Variants in PARD3B observed in about 807,000 individuals in gnomAD.
The protein encoded by PARD3B is par-3 family cell polarity regulator beta.
Under a neutral mutation model 130.2 loss-of-function variants are expected in PARD3B, and 103 were observed. The ratio of observed to expected loss-of-function variants is 0.79; its 90% CI spans 0.67 to 0.93. PARD3B has a LOEUF of 0.93. Ranked by LOEUF, PARD3B falls within the 40% of genes least tolerant of loss-of-function variation. PARD3B has a pLI of 0.00. For synonymous variants in PARD3B, 583 were observed against 553.2 expected (o/e 1.05, Z -0.76); for missense variants, 1,609 against 1,499.2 (o/e 1.07, Z -1.21).
At chr2:205,534,190 C>CA (rs2051734722) in intron 21 of PARD3B, among the ~76,000 whole-genome samples, 1 of 151,944 alleles carries the variant, frequency 6.6e-6, no homozygotes, top group Admixed American at 6.6e-5. Flanking sequence ...GGAAAGAAAA[C>CA]AAAGTCCCTG....
intron 2 of PARD3B, among the ~76,000 whole-genome samples, chr2:204,817,682 A>G (rs899906567): frequency 6.6e-6 from 1 of 152,084 alleles, no homozygotes; most frequent in African/African-American, 2.4e-5. Context: ...TTCCTATGAA[A>G]TGTAGCTGCT....
intron 2 of PARD3B, among the ~76,000 whole-genome samples, chr2:204,834,138 T>G (rs1045234181): frequency 1.3e-5 from 2 of 152,218 alleles, no homozygotes; most frequent in African/African-American, 4.8e-5. Context: ...ACCAGCTCTC[T>G]CTGCACTTAT....
intron 5 of PARD3B, 140 bp downstream of exon 5, chr2:205,104,654 T>A: frequency 1.7e-6 from 1 of 586,798 alleles, no homozygotes; most frequent in Non-Finnish European, 3.0e-6. Flanking sequence ...GTCTAACAGT[T>A]ACTTAATTCT....
rs368953528 is a variant in PARD3B at position 205,380,271 on chromosome 2, TTA to T, written c.2631-20737_2631-20736del. On this transcript the variant is annotated intron_variant, in intron 18 of 22. Coordinates refer to ENST00000406610, the MANE Select transcript of PARD3B (RefSeq NM_001302769.2). Reference sequence around the variant, plus strand: ...ATATATAATATATAAAGAATATATATTATATAATATATAAAGAATATATATTA... The same window carrying T: ...ATATATAATATATAAAGAATATATATTATAATATATAAAGAATATATATTA... Among the ~76,000 whole-genome samples the T allele has an allele frequency of 4.2e-3, 42 of 10,014 alleles. 1 individual carries two copies. The highest frequency in any genetic ancestry group is 0.015 in the Admixed American group (6 of 390). The allele number at this position is 10,014 out of a possible 152,430, so 6.6% of individuals were successfully genotyped here. A position where few individuals can be genotyped will look rare whatever the true frequency, so the allele number is the denominator to read the frequency against.
chr2:205,117,682 C>T (rs2029996870), intron 6 of PARD3B, among the ~76,000 whole-genome samples: 2 of 152,238 alleles, frequency 1.3e-5, no homozygotes, highest in African/African-American at 2.4e-5. Context: ...GTGACAAAGT[C>T]GAAAAGCAAG....
intron 1 of PARD3B, among the ~76,000 whole-genome samples, chr2:204,633,503 T>C (rs1358708034): frequency 6.6e-6 from 1 of 152,186 alleles, no homozygotes; most frequent in Non-Finnish European, 1.5e-5. Flanking sequence ...ATTTCACCGA[T>C]TGCCTCTTTT....
At chr2:205,567,390 C>T (rs1209025121) in intron 22 of PARD3B, among the ~76,000 whole-genome samples, 7 of 134,486 alleles carry the variant, frequency 5.2e-5, no homozygotes, top group African/African-American at 1.9e-4. Flanking sequence ...TCTCGGCTCA[C>T]TGCAAGCTCC....
intron 1 of PARD3B, among the ~76,000 whole-genome samples, chr2:204,615,018 TAA>T (rs1427813097): frequency 5.9e-5 from 9 of 152,306 alleles, no homozygotes; most frequent in African/African-American, 2.2e-4. Flanking sequence ...CAGAATTTAT[TAA>T]GAGTGGTGTT....
Position 205,039,595 on chromosome 2 carries a change from C to T in PARD3B, c.395-7986C>T, listed in dbSNP as rs370217978. On this transcript the variant is annotated intron_variant, in intron 3 of 22. Transcript: ENST00000406610. The stretch of plus-strand genomic sequence containing the variant: ...GGTAATTTTCCCTGCCTCAGCTTCT[C>T]GGGTAGCTGCAATTACAGGTGTGCA... 8.5e-5 allele frequency among the ~76,000 whole-genome samples: 13 copies of T among 152,110 alleles called. No individual in the cohort carries two copies. In the East Asian group the frequency reaches 2.1e-3, roughly 25 times the overall value.
chr2:204,976,798 C>T (rs1178725467), intron 3 of PARD3B, among the ~76,000 whole-genome samples: 2 of 151,636 alleles, frequency 1.3e-5, no homozygotes, highest in Non-Finnish European at 2.9e-5. Flanking sequence ...TTAGTAGAGA[C>T]GGGGTTTCAC....
At chr2:205,204,417 A>G (rs558811560) in intron 15 of PARD3B, among the ~76,000 whole-genome samples, 2 of 152,108 alleles carry the variant, frequency 1.3e-5, no homozygotes, top group African/African-American at 4.8e-5. Context: ...CACTCTGATG[A>G]TAGTTTCTTT....
At chr2:205,482,698 C>T (rs1183899602) in intron 20 of PARD3B, 1 of 152,128 alleles carries the variant, frequency 6.6e-6, no homozygotes, top group Non-Finnish European at 1.5e-5. Context: ...AAACCAGCCT[C>T]TGGCACCACT....
intron 2 of PARD3B, among the ~76,000 whole-genome samples, chr2:204,883,405 T>TTATA (rs1447380815): frequency 9.9e-6 from 1 of 101,310 alleles, no homozygotes; most frequent in African/African-American, 3.6e-5. Flanking sequence ...TATATATATA[T>TTATA]TATATATATA....
intron 2 of PARD3B, among the ~76,000 whole-genome samples, chr2:204,772,879 G>A (rs375515425): frequency 6.6e-6 from 1 of 151,972 alleles, no homozygotes; most frequent in Admixed American, 6.6e-5. Context: ...AGAGTGGTTA[G>A]GGCAGTTTTG....
intron 1 of PARD3B, among the ~76,000 whole-genome samples, chr2:204,593,261 A>G (rs1323799778): frequency 6.6e-6 from 1 of 152,208 alleles, no homozygotes; most frequent in African/African-American, 2.4e-5. Context: ...TCTAGGATCT[A>G]AGCATCCTCA....
At chr2:205,140,162 G>A (rs965584401) in intron 10 of PARD3B, among the ~76,000 whole-genome samples, 1 of 152,202 alleles carries the variant, frequency 6.6e-6, no homozygotes, top group African/African-American at 2.4e-5. Context: ...CGGGCAGGTA[G>A]TGAAAGGCCC....
At chr2:204,995,075 T>C (rs1238562271) in intron 3 of PARD3B, among the ~76,000 whole-genome samples, 4 of 151,850 alleles carry the variant, frequency 2.6e-5, no homozygotes, top group African/African-American at 7.3e-5. Context: ...ATTTAGTTCA[T>C]TTATATTTAA....
At chr2:204,651,096 G>A (rs763043773) in intron 1 of PARD3B, among the ~76,000 whole-genome samples, 19 of 152,034 alleles carry the variant, frequency 1.2e-4, no homozygotes, top group African/African-American at 3.1e-4. Flanking sequence ...TTATTCTGCC[G>A]CTGACCCCTG....
chr2:205,440,998 A>G lies in PARD3B; in HGVS notation c.3044+326A>G, dbSNP rs2047695413. 6.6e-6 allele frequency among the ~76,000 whole-genome samples: 1 copy of G among 152,214 alleles called. No individual in the cohort carries two copies. The highest frequency in any genetic ancestry group is 1.5e-5 in the Non-Finnish European group (1 of 68,038). On this transcript the variant is annotated intron_variant, in intron 20 of 22. Transcript: ENST00000406610. The surrounding 1 kb of genome is among the most constrained non-coding windows in gnomAD (Gnocchi z 4.2). ...CCTTTCTCCTAAGAGACCAATTGTA[A>G]AAGATTTATTCAGGAAGATGGCATG...
Sources: allele counts gnomAD v4.1 joint callset (sites outside exome capture counted in the v4.1 genomes callset), GRCh38; gene constraint gnomAD v4.1.1; non-coding constraint Gnocchi (gnomAD v3.1); transcripts MANE v1.5; gene names NCBI Gene and HGNC (gene_info 2026-07-23, HGNC 2026-07-21).